The following CCDC178 variants were observed in gnomAD, a reference collection of about 807,000 sequenced individuals.
CCDC178 encodes coiled-coil domain-containing protein 178.
In CCDC178, 126 loss-of-function variants were observed where a neutral mutation model predicts 117.4. That is an observed-to-expected ratio of 1.07 (90% CI 0.93 to 1.24). The LOEUF is 1.24. CCDC178 is among the 50% of genes most tolerant of loss of function. The pLI is 0.00. For synonymous variants in CCDC178, 283 were observed against 313.4 expected (o/e 0.90, Z 1.02); for missense variants, 1,030 against 986.9 (o/e 1.04, Z -0.59).
intron 9 of CCDC178, among the ~76,000 whole-genome samples, chr18:33,339,679 G>C (rs1380530792): frequency 6.6e-6 from 1 of 151,864 alleles, no homozygotes; most frequent in Non-Finnish European, 1.5e-5. Flanking sequence ...GTGGCGGGGG[G>C]TGTCTTTCCC....
chr18:33,296,390 A>AAC (rs145798701), intron 11 of CCDC178, among the ~76,000 whole-genome samples: 1 of 151,742 alleles, frequency 6.6e-6, no homozygotes, highest in South Asian at 2.1e-4. Flanking sequence ...TATAATAATA[A>AAC]ACACACACAC....
intron 20 of CCDC178, among the ~76,000 whole-genome samples, chr18:33,150,735 T>C (rs969525918): frequency 6.6e-5 from 10 of 152,152 alleles, no homozygotes; most frequent in African/African-American, 2.4e-4. Context: ...GGAGAAGCTT[T>C]AAGGAACTCC....
chr18:33,385,958 G>A (rs974319650), intron 5 of CCDC178, among the ~76,000 whole-genome samples: 2 of 151,940 alleles, frequency 1.3e-5, no homozygotes, highest in East Asian at 1.9e-4. Flanking sequence ...GGCTGCTAGT[G>A]AGACTAATTT....
intron 15 of CCDC178, among the ~76,000 whole-genome samples, chr18:33,233,070 T>C (rs1289592246): frequency 6.6e-6 from 1 of 152,186 alleles, no homozygotes; most frequent in African/African-American, 2.4e-5. Flanking sequence ...TGCAGCAGTG[T>C]ATACAAAATA....
chr18:33,404,278 T>C (rs1196666351), intron 3 of CCDC178, among the ~76,000 whole-genome samples: 1 of 152,006 alleles, frequency 6.6e-6, no homozygotes, highest in African/African-American at 2.4e-5. Flanking sequence ...ATATTGGAAA[T>C]TGTGAATGTG....
chr18:33,100,933 G>T (rs1036362787), intron 20 of CCDC178, among the ~76,000 whole-genome samples: 1 of 151,804 alleles, frequency 6.6e-6, no homozygotes, highest in Non-Finnish European at 1.5e-5. Context: ...GCAAAAATCG[G>T]TTTCACCTAA....
chr18:33,415,444 C>G (rs533132918), intron 2 of CCDC178, among the ~76,000 whole-genome samples: 107 of 151,536 alleles, frequency 7.1e-4, no homozygotes, highest in Non-Finnish European at 7.5e-4. Context: ...AGCAAACTAT[C>G]GCAAGGACAA....
intron 20 of CCDC178, among the ~76,000 whole-genome samples, chr18:33,159,802 T>C (rs1412444540): frequency 6.6e-6 from 1 of 152,120 alleles, no homozygotes. Flanking sequence ...GACATATGTT[T>C]GTTCTCATTT....
rs1289595054 is a variant in CCDC178, at chr18:33,370,126, A to T, written c.272T>A (p.Ile91Asn). 1.2e-6 allele frequency: 2 copies of T among 1,606,506 alleles called. No homozygotes were observed. The highest frequency in any genetic ancestry group is 3.4e-5 in the Admixed American group (2 of 58,810). Reference sequence around the variant, plus strand: ...CATTTTGTTGACACAAGGTGCTGGAATATTTACTACGGCACAGCTGTGACG... The same window carrying T: ...CATTTTGTTGACACAAGGTGCTGGATTATTTACTACGGCACAGCTGTGACG... ...CRRHSCAVVN[I>N]PAPCVNKMIS... The change falls in exon 6 of 23, where the codon ATT becomes AAT. Residue 91 changes from isoleucine to asparagine, a missense_variant. Physicochemically the swap from Ile to Asn is moderately radical, Grantham distance 149. Transcript: ENST00000383096.
chr18:33,343,068 G>T (rs1172221555), intron 9 of CCDC178, among the ~76,000 whole-genome samples: 1 of 151,862 alleles, frequency 6.6e-6, no homozygotes, highest in Non-Finnish European at 1.5e-5. Context: ...TCCAAATTAT[G>T]TCTACATACT....
chr18:33,122,100 G>A (rs927388029), intron 20 of CCDC178, among the ~76,000 whole-genome samples: 6 of 152,236 alleles, frequency 3.9e-5, no homozygotes, highest in Admixed American at 3.3e-4. Context: ...AGATTTCTGA[G>A]AAGGAATCCC....
intron 12 of CCDC178, among the ~76,000 whole-genome samples, chr18:33,277,779 C>A (rs1599092345): frequency 6.6e-6 from 1 of 152,210 alleles, no homozygotes; most frequent in East Asian, 1.9e-4. Context: ...CTTCTCTCAG[C>A]CAAAAGAAAG....
intron 21 of CCDC178, among the ~76,000 whole-genome samples, chr18:33,069,967 A>G (rs2057080352): frequency 6.6e-6 from 1 of 152,142 alleles, no homozygotes; most frequent in Admixed American, 6.5e-5. Context: ...AATCAAAACT[A>G]TAGTGAGATA....
intron 20 of CCDC178, among the ~76,000 whole-genome samples, chr18:33,187,086 G>GGAGAGAGAGAGA (rs58400297): frequency 0.028 from 3,949 of 139,916 alleles, 130 homozygotes; most frequent in African/African-American, 0.093. Flanking sequence ...CATGGCGGCA[G>GGAGAGAGAGAGA]GAGAGAGAGA....
chr18:33,346,322 C>T lies in CCDC178; in HGVS notation c.547G>A (p.Asp183Asn), dbSNP rs1336061778. 1 of 1,613,618 alleles carries T rather than the reference C, an allele frequency of 6.2e-7. No homozygotes were observed. ...TGTTGTTTTAAAGCTTCTTCAGCGT[C>T]TGCCCGGTCAGTTTCTAGACTTTTA... ...LIKSLETDRADAEEALKQQRS... is the reference protein window; with the variant it reads ...LIKSLETDRANAEEALKQQRS... The change falls in exon 9 of 23, where the codon GAC becomes AAC. Residue 183 changes from aspartate to asparagine, a missense_variant. Coordinates refer to ENST00000383096, the MANE Select transcript of CCDC178 (RefSeq NM_001105528.4).
chr18:33,056,517 A>T (rs564578632), intron 21 of CCDC178, among the ~76,000 whole-genome samples: 31 of 152,336 alleles, frequency 2.0e-4, no homozygotes, highest in African/African-American at 7.0e-4. Context: ...TTCCTCTCAC[A>T]GTAAAGGGAA....
intron 2 of CCDC178, among the ~76,000 whole-genome samples, chr18:33,427,436 A>C (rs9652985): frequency 0.14 from 21,447 of 152,074 alleles, 1,544 homozygotes; most frequent in East Asian, 0.19. Context: ...ATAGTAAAAA[A>C]TCATGAAAAT....
At chr18:33,173,991 A>G (rs1350985784) in intron 20 of CCDC178, among the ~76,000 whole-genome samples, 1 of 152,202 alleles carries the variant, frequency 6.6e-6, no homozygotes, top group Non-Finnish European at 1.5e-5. Flanking sequence ...TTGCACTGCT[A>G]TAAAGAAATA....
At chr18:33,362,190 C>CAT (rs1491079046) in intron 6 of CCDC178, among the ~76,000 whole-genome samples, 81,602 of 147,444 alleles carry the variant, frequency 0.55, 23,529 homozygotes, top group Non-Finnish European at 0.65. Context: ...TATATATATA[C>CAT]ATATATATAT....
Sources: gnomAD v4.1 joint callset for allele counts (sites outside exome capture counted in the v4.1 genomes callset) on GRCh38, gnomAD v4.1.1 for gene constraint, MANE v1.5 for transcripts, NCBI Gene and HGNC (gene_info 2026-07-23, HGNC 2026-07-21) for gene names.